Variants in PCDHA8 observed in about 807,000 individuals in gnomAD.
PCDHA8 encodes protocadherin alpha-8.
In PCDHA8, 53 loss-of-function variants were observed where a neutral mutation model predicts 61.8. The ratio of observed to expected loss-of-function variants is 0.86; its 90% CI spans 0.69 to 1.08. The LOEUF (loss-of-function observed/expected upper bound fraction) is 1.08. Ranked by LOEUF, PCDHA8 falls within the 50% of genes least tolerant of loss-of-function variation. PCDHA8 has a pLI of 0.00. For missense variants in PCDHA8, 1,293 were observed against 1,245.0 expected (o/e 1.04, Z -0.58); for synonymous variants, 618 against 556.6 (o/e 1.11, Z -1.55).
rs2150371932 is a variant in PCDHA8 at position 140,844,548 on chromosome 5, G to A, written c.2394+833G>A. Among the ~76,000 whole-genome samples, 6 of 149,134 alleles carry A rather than the reference G, an allele frequency of 4.0e-5. 1 individual carries two copies. Among genetic ancestry groups the A allele is most frequent in the Non-Finnish European group, 7.5e-5 (5 of 66,700 alleles). ...TCTAATCATTCAACCCTTTGTTCAT[G>A]AGTTGGAATATTTTCAATAATATTC... On this transcript the variant is annotated intron_variant, in intron 1 of 3. Transcript: ENST00000531613.
At chr5:140,869,098 T>C (rs1581867822) in intron 1 of PCDHA8, 7 of 1,596,122 alleles carry the variant, frequency 4.4e-6, no homozygotes, top group Non-Finnish European at 5.1e-6. Flanking sequence ...GCCAATTTCG[T>C]ATGCGATGTT....
intron 1 of PCDHA8, chr5:140,882,011 ATAC>A (rs1437092618): frequency 3.8e-6 from 2 of 531,314 alleles, no homozygotes; most frequent in Admixed American, 3.8e-5. Flanking sequence ...GGGCAAAAAA[ATAC>A]TACATCAATG....
chr5:141,010,396 C>A lies in PCDHA8; in HGVS notation c.*459C>A. 7.5e-7 allele frequency: 1 copy of A among 1,337,260 alleles called. No individual in the cohort carries two copies. Among genetic ancestry groups the A allele is most frequent in the Non-Finnish European group, 1.0e-6 (1 of 999,990 alleles). 82.8% of individuals were successfully genotyped at this position (1,337,260 alleles called of 1,614,324 possible). On this transcript the variant is annotated 3_prime_UTR_variant, in exon 4 of 4. Coordinates refer to ENST00000531613, the MANE Select transcript of PCDHA8 (RefSeq NM_018911.3). ...GTGCCAGATATTGGCTGAGACGAGC[C>A]AGCTTAGACTAATTGGTACAAGGAA...
chr5:140,872,265 T>G (rs2053570965), intron 1 of PCDHA8, among the ~76,000 whole-genome samples: 1 of 152,164 alleles, frequency 6.6e-6, no homozygotes, highest in South Asian at 2.1e-4. Context: ...TGTTTTCATA[T>G]TGTTTGAAGA....
At chr5:140,985,945 T>C (rs1432402407) in intron 3 of PCDHA8, among the ~76,000 whole-genome samples, 1 of 152,080 alleles carries the variant, frequency 6.6e-6, no homozygotes, top group Non-Finnish European at 1.5e-5. Flanking sequence ...TTCACTGTGT[T>C]AGCCAGGATG....
Position 140,941,322 on chromosome 5 carries a change from T to C in PCDHA8, c.2395-37627T>C, listed in dbSNP as rs1340835610. Among the ~76,000 whole-genome samples the C allele has an allele frequency of 3.4e-5, 5 of 145,550 alleles. No individual in the cohort carries two copies. The East Asian group carries it at 6.0e-4, about 17-fold the overall frequency. The stretch of plus-strand genomic sequence containing the variant: ...TTTCTTTCTTTTTCTTCTTTCTCTT[T>C]TTTTTTTTTTTTCAGATGGAGTCTT... On this transcript the variant is annotated intron_variant, in intron 1 of 3. Coordinates refer to ENST00000531613, the MANE Select transcript of PCDHA8 (RefSeq NM_018911.3).
chr5:140,856,038 A>G (rs2043738417), intron 1 of PCDHA8: 2 of 1,568,894 alleles, frequency 1.3e-6, no homozygotes, highest in Non-Finnish European at 1.7e-6. Context: ...GTAAAACAAG[A>G]GAAGGATAAG....
rs1364522984 is a variant in PCDHA8 at position 140,856,543 on chromosome 5, A to G, written c.2394+12828A>G. 5.0e-6 allele frequency: 8 copies of G among 1,598,190 alleles called. No homozygotes were observed. In the African/African-American group the frequency reaches 6.7e-5, roughly 13 times the overall value. The stretch of plus-strand genomic sequence containing the variant: ...CTGATGCGGATGTTGGAGAGAACGC[A>G]TTGCTTACTTACAAACTCAGTCCAA... On this transcript the variant is annotated intron_variant, in intron 1 of 3. Transcript: ENST00000531613.
intron 3 of PCDHA8, among the ~76,000 whole-genome samples, chr5:140,995,110 C>T (rs1047046754): frequency 4.6e-5 from 7 of 152,198 alleles, no homozygotes; most frequent in Non-Finnish European, 7.3e-5. Flanking sequence ...TTCCAAGACC[C>T]TCAGTGGATG....
At chr5:140,918,302 G>A (rs1382712359) in intron 1 of PCDHA8, among the ~76,000 whole-genome samples, 1 of 152,048 alleles carries the variant, frequency 6.6e-6, no homozygotes, top group African/African-American at 2.4e-5. Context: ...GAGAATATAG[G>A]GTTTTCTAGG....
chr5:140,855,986 G>A (rs191873949), intron 1 of PCDHA8: 1 of 1,477,690 alleles, frequency 6.8e-7, no homozygotes, highest in Non-Finnish European at 9.1e-7. Context: ...GACAGAAAAT[G>A]TCAGATCGTA....
intron 1 of PCDHA8, chr5:140,876,809 C>T (rs1554168959): frequency 6.2e-7 from 1 of 1,614,200 alleles, no homozygotes; most frequent in Admixed American, 1.7e-5. Flanking sequence ...GTGGAGGTGG[C>T]CGACGTGAAC....
chr5:140,965,029 A>G (rs1252337885), intron 1 of PCDHA8, among the ~76,000 whole-genome samples: 2 of 152,178 alleles, frequency 1.3e-5, no homozygotes, highest in Non-Finnish European at 2.9e-5. Context: ...GGCTCCTTTA[A>G]CTGTCCGCTC....
In PCDHA8 at chr5:140,843,327, T is replaced by C. The variant is rs2150357538; in HGVS notation, c.2006T>C (p.Leu669Pro). Residue 669 changes from leucine to proline, a missense_variant, in exon 1 of 4, where the codon CTG becomes CCG. Coordinates refer to ENST00000531613, the MANE Select transcript of PCDHA8 (RefSeq NM_018911.3). ...LTATATVLVS[L>P]VESGQAPKAS... is the part of the protein sequence containing the mutation. ...GCCACGGCCACGGTTCTGGTGTCGC[T>C]GGTGGAGAGCGGCCAGGCTCCAAAA... 16 of 1,595,936 alleles carry C rather than the reference T, an allele frequency of 1.0e-5. No individual in the cohort carries two copies. In the South Asian group the frequency reaches 1.5e-4, roughly 15 times the overall value.
intron 3 of PCDHA8, among the ~76,000 whole-genome samples, chr5:140,983,034 C>G (rs923296416): frequency 2.6e-5 from 4 of 151,944 alleles, no homozygotes; most frequent in Non-Finnish European, 5.9e-5. Context: ...GATGGTTTCT[C>G]ATGGAAGTGG....
intron 1 of PCDHA8, chr5:140,875,508 G>GC: frequency 6.2e-7 from 1 of 1,613,706 alleles, no homozygotes; most frequent in South Asian, 1.1e-5. Flanking sequence ...CGGGATCCCA[G>GC]CGTCTGCTGC....
intron 1 of PCDHA8, among the ~76,000 whole-genome samples, chr5:140,944,319 C>T (rs1386940921): frequency 6.6e-6 from 1 of 152,104 alleles, no homozygotes. Context: ...TCCTGAGTAG[C>T]TGGGATTACA....
Position 140,932,626 on chromosome 5 carries a change from C to T in PCDHA8, c.2395-46323C>T, listed in dbSNP as rs965543719. 1.2e-4 allele frequency among the ~76,000 whole-genome samples: 18 copies of T among 151,670 alleles called. 1 individual carries two copies. The highest frequency in any genetic ancestry group is 8.9e-5 in the Non-Finnish European group (6 of 67,754). On this transcript the variant is annotated intron_variant, in intron 1 of 3. Coordinates refer to ENST00000531613, the MANE Select transcript of PCDHA8 (RefSeq NM_018911.3). ...TTTGACTTTGAAGCTGATAACCACA[C>T]TAAAAAACTTTAGAATGATGAAACT...
Position 140,849,058 on chromosome 5 carries a change from A to G in PCDHA8, c.2394+5343A>G, listed in dbSNP as rs2150429611. 41 of 1,550,890 alleles carry G rather than the reference A, an allele frequency of 2.6e-5. 1 individual carries two copies. Among genetic ancestry groups the G allele is most frequent in the Non-Finnish European group, 3.6e-5 (41 of 1,140,546 alleles). On this transcript the variant is annotated intron_variant, in intron 1 of 3. Coordinates refer to ENST00000531613, the MANE Select transcript of PCDHA8 (RefSeq NM_018911.3). ...CTGGACGTGCCAACCAGCAACCAGCAGGTAAAACCTCTTGGACTTGTATTA... is the reference window on the plus strand; with the variant it reads ...CTGGACGTGCCAACCAGCAACCAGCGGGTAAAACCTCTTGGACTTGTATTA...
Sources: gnomAD v4.1 joint callset for allele counts (sites outside exome capture counted in the v4.1 genomes callset) on GRCh38, gnomAD v4.1.1 for gene constraint, MANE v1.5 for transcripts, NCBI Gene and HGNC (gene_info 2026-07-23, HGNC 2026-07-21) for gene names.